Variants in NAV2 observed in about 807,000 individuals in gnomAD.
NAV2 encodes neuron navigator 2, also known as helicase, APC down-regulated 1.
NAV2 carries 54 observed loss-of-function variants against 223.2 expected under a neutral mutation model. That is an observed-to-expected ratio of 0.24 (90% CI 0.19 to 0.30). The LOEUF is 0.30. Ranked by LOEUF, NAV2 falls within the 10% of genes least tolerant of loss-of-function variation. NAV2 has a pLI of 1.00. For missense variants in NAV2, 2,806 were observed against 3,147.5 expected (o/e 0.89, Z 2.60); for synonymous variants, 1,279 against 1,239.3 (o/e 1.03, Z -0.67).
At chr11:20,008,959 C>CT (rs1400055712) in intron 11 of NAV2, among the ~76,000 whole-genome samples, 2 of 152,186 alleles carry the variant, frequency 1.3e-5, no homozygotes, top group African/African-American at 2.4e-5. Flanking sequence ...AATAAGATCA[C>CT]TCTAACTACG....
intron 1 of NAV2, among the ~76,000 whole-genome samples, chr11:19,568,861 T>C (rs2045346456): frequency 2.0e-5 from 3 of 152,362 alleles, no homozygotes; most frequent in Admixed American, 1.3e-4. Context: ...TTAGGAGTTA[T>C]TGGGCCAAAG....
At chr11:19,396,092 G>A (rs1849435210) in intron 1 of NAV2, among the ~76,000 whole-genome samples, 1 of 152,188 alleles carries the variant, frequency 6.6e-6, no homozygotes, top group South Asian at 2.1e-4. Flanking sequence ...CTAGAGCCCT[G>A]CTCAGCATGT....
At chr11:19,948,480 C>G (rs2047117378) in intron 9 of NAV2, among the ~76,000 whole-genome samples, 1 of 152,130 alleles carries the variant, frequency 6.6e-6, no homozygotes, top group Admixed American at 6.5e-5. Context: ...CAGGGAAAGT[C>G]TCCGGTAGGC....
chr11:19,347,483 T>C (rs1359609249), upstream of NAV2, among the ~76,000 whole-genome samples: 3 of 152,120 alleles, frequency 2.0e-5, no homozygotes, highest in Non-Finnish European at 2.9e-5. Context: ...GAATGGGAGT[T>C]TGAAGCCTTT....
At chr11:19,679,685 G>A (rs1206215288) in intron 1 of NAV2, among the ~76,000 whole-genome samples, 8 of 152,138 alleles carry the variant, frequency 5.3e-5, no homozygotes, top group Non-Finnish European at 8.8e-5. Context: ...GGGACACCCC[G>A]GCTGTGTTCT....
At chr11:20,032,837 G>C (rs2055913176) in intron 11 of NAV2, among the ~76,000 whole-genome samples, 1 of 152,206 alleles carries the variant, frequency 6.6e-6, no homozygotes, top group Non-Finnish European at 1.5e-5. Context: ...TGCACATTGA[G>C]TTTGTCAGGA....
intron 1 of NAV2, among the ~76,000 whole-genome samples, chr11:19,572,848 C>T (rs888608353): frequency 5.9e-5 from 9 of 152,100 alleles, no homozygotes; most frequent in Admixed American, 5.2e-4. Context: ...GATTATAATT[C>T]CTATTGCTGA....
At chr11:19,869,061 T>C in intron 4 of NAV2, 64 bp downstream of exon 4, 1 of 1,447,038 alleles carries the variant, frequency 6.9e-7, no homozygotes, top group Non-Finnish European at 9.7e-7. Flanking sequence ...CTGTTACTTA[T>C]GAATGATATT....
At chr11:19,817,481 G>T (rs990598355) in intron 1 of NAV2, among the ~76,000 whole-genome samples, 1 of 152,176 alleles carries the variant, frequency 6.6e-6, no homozygotes, top group African/African-American at 2.4e-5. Context: ...TCCAGTGTCT[G>T]GGAATGGGGG....
intron 1 of NAV2, among the ~76,000 whole-genome samples, chr11:19,813,830 G>A (rs1454836061): frequency 1.9e-4 from 29 of 152,126 alleles, no homozygotes; most frequent in Non-Finnish European, 4.4e-5. Context: ...GGTCAAAGTC[G>A]GGATTCCTGT....
At chr11:19,790,471 T>C (rs2057442820) in intron 1 of NAV2, among the ~76,000 whole-genome samples, 2 of 152,190 alleles carry the variant, frequency 1.3e-5, no homozygotes, top group Admixed American at 6.5e-5. Flanking sequence ...TTCTTAGAGA[T>C]AGGGTAGTAC....
chr11:19,755,028 A>C (rs2054126443), intron 1 of NAV2, among the ~76,000 whole-genome samples: 1 of 152,214 alleles, frequency 6.6e-6, no homozygotes, highest in Non-Finnish European at 1.5e-5. Flanking sequence ...CCATTGTGTT[A>C]ATCGACAGGA....
At chr11:19,739,494 C>T (rs1449261725) in intron 1 of NAV2, among the ~76,000 whole-genome samples, 1 of 152,146 alleles carries the variant, frequency 6.6e-6, no homozygotes, top group Admixed American at 6.5e-5. Context: ...ACCCTGAATC[C>T]CCCTGTTTTC....
intron 1 of NAV2, among the ~76,000 whole-genome samples, chr11:19,366,231 G>A (rs1413171692): frequency 6.6e-6 from 1 of 152,208 alleles, no homozygotes; most frequent in East Asian, 1.9e-4. Flanking sequence ...ATGTCAGGGT[G>A]GCTCCTGGCT....
At chr11:20,116,921 A>AC (rs1271587879) in intron 37 of NAV2, among the ~76,000 whole-genome samples, 7 of 152,222 alleles carry the variant, frequency 4.6e-5, no homozygotes, top group Non-Finnish European at 8.8e-5. Context: ...CTGTGGACAC[A>AC]CTGGGAGTGT....
At chr11:19,776,677 G>GTGTGTGTGTGTGTGTGT (rs2056237652) in intron 1 of NAV2, among the ~76,000 whole-genome samples, 1 of 46,806 alleles carries the variant, frequency 2.1e-5, no homozygotes. Context: ...TGTGTGTGTG[G>GTGTGTGTGTGTGTGTGT]TTAGAGTTGT....
intron 11 of NAV2, among the ~76,000 whole-genome samples, chr11:20,025,725 C>T (rs2054987791): frequency 6.6e-6 from 1 of 152,178 alleles, no homozygotes; most frequent in Admixed American, 6.5e-5. Context: ...TTGTGTTTTC[C>T]TCTCTCCACC....
chr11:19,512,893 G>A (rs1203973011), intron 1 of NAV2, among the ~76,000 whole-genome samples: 1 of 152,216 alleles, frequency 6.6e-6, no homozygotes, highest in African/African-American at 2.4e-5. Flanking sequence ...GCTGCAAAGA[G>A]AGGGATACAA....
chr11:19,964,384 G>T (rs562935299), intron 10 of NAV2, among the ~76,000 whole-genome samples: 4 of 152,218 alleles, frequency 2.6e-5, no homozygotes, highest in African/African-American at 9.6e-5. Context: ...ATATATAACG[G>T]TTAATAATAA....
Sources: gnomAD v4.1 joint callset for allele counts (sites outside exome capture counted in the v4.1 genomes callset) on GRCh38, gnomAD v4.1.1 for gene constraint, MANE v1.5 for transcripts, NCBI Gene and HGNC (gene_info 2026-07-23, HGNC 2026-07-21) for gene names.